GCSAML: variants seen among roughly 807,000 people sequenced by gnomAD.
GCSAML encodes the protein germinal center-associated signaling and motility-like protein.
Under a neutral mutation model 13.0 loss-of-function variants are expected in GCSAML, and 9 were observed. The observed-to-expected ratio is 0.69, with a 90% CI of 0.42 to 1.21. The LOEUF (loss-of-function observed/expected upper bound fraction) is 1.21, where lower values mean the gene tolerates loss of function less well. GCSAML is among the 50% of genes most tolerant of loss of function. GCSAML has a pLI of 0.00. For synonymous variants in GCSAML, 37 were observed against 52.9 expected, an observed-to-expected ratio of 0.70 and a Z score of 1.31; for missense variants, 143 against 153.4, an observed-to-expected ratio of 0.93 and a Z score of 0.36.
chr1:247,531,461 A>C (rs1219013718), intron 2 of GCSAML: 1 of 1,358,628 alleles, frequency 7.4e-7, no homozygotes, highest in African/African-American at 1.5e-5. Context: ...CAATATTAGA[A>C]GAAAAACGAC....
In GCSAML at chr1:247,527,756, A is replaced by G. The variant is rs1032519617; in HGVS notation, c.-148+702A>G. 6.6e-6 allele frequency: 1 copy of G among 152,198 alleles called. No homozygotes were observed. The highest frequency in any genetic ancestry group is 2.4e-5 in the African/African-American group (1 of 41,436). The allele number at this position is 152,198 out of a possible 1,614,324, so 9.4% of individuals were successfully genotyped here. ...TTTCTTCGTGCTGGGAACATTCAAT[A>G]TCCTCCTTCTAGCTGTTTGAAAATA... is the stretch of plus-strand genomic sequence containing the variant. On this transcript the variant is annotated intron_variant, in intron 2 of 5. Transcript: ENST00000366489. This position sits in a 1 kb window ranked among gnomAD's most constrained non-coding sequence, Gnocchi z 4.6.
At chr1:247,522,765 A>G (rs1179076920) in intron 1 of GCSAML, among the ~76,000 whole-genome samples, 1 of 152,204 alleles carries the variant, frequency 6.6e-6, no homozygotes, top group Non-Finnish European at 1.5e-5. Flanking sequence ...ACCCAGGGAC[A>G]CAAACACTGC....
At chr1:247,560,682 C>T (rs541597031) in intron 2 of GCSAML, among the ~76,000 whole-genome samples, 9 of 152,124 alleles carry the variant, frequency 5.9e-5, no homozygotes, top group African/African-American at 1.2e-4. Flanking sequence ...TATGTATATA[C>T]GGTGAAGTGA....
At chr1:247,520,438 C>T (rs1046741473) in intron 1 of GCSAML, among the ~76,000 whole-genome samples, 2 of 152,140 alleles carry the variant, frequency 1.3e-5, no homozygotes, top group Admixed American at 1.3e-4. Flanking sequence ...CAACTTTTCT[C>T]AGAGTCTCCA....
chr1:247,521,324 A>AGTCTCCCTCTCCCTCTCCACG (rs1317693302), intron 1 of GCSAML, among the ~76,000 whole-genome samples: 7 of 138,588 alleles, frequency 5.1e-5, no homozygotes, highest in African/African-American at 1.9e-4. Context: ...CTCCCTCTCC[A>AGTCTCCCTCTCCCTCTCCACG]GTCTCCCTCT....
chr1:247,538,779 A>C (rs777264580), intron 2 of GCSAML: 1 of 456,390 alleles, frequency 2.2e-6, no homozygotes, highest in African/African-American at 2.0e-5. Flanking sequence ...TTGGACTTCC[A>C]GTCTCCAGAA....
intron 1 of GCSAML, among the ~76,000 whole-genome samples, chr1:247,514,042 G>T (rs541520266): frequency 1.3e-5 from 2 of 152,108 alleles, no homozygotes; most frequent in African/African-American, 4.8e-5. Flanking sequence ...GTGCAGTGGT[G>T]TGATCTTGGC....
intron 1 of GCSAML, among the ~76,000 whole-genome samples, chr1:247,556,095 C>A (rs912758989): frequency 6.6e-6 from 1 of 152,158 alleles, no homozygotes; most frequent in African/African-American, 2.4e-5. Flanking sequence ...TTGTTAAGGT[C>A]TTTATAGCTT....
intron 2 of GCSAML, chr1:247,532,454 T>G (rs6697472): frequency 1.2e-6 from 2 of 1,614,006 alleles, no homozygotes; most frequent in Admixed American, 1.7e-5. Context: ...GAGGGTCGTG[T>G]GGAGAAGCCC....
chr1:247,518,846 C>A (rs1666314951), intron 1 of GCSAML, among the ~76,000 whole-genome samples: 2 of 152,044 alleles, frequency 1.3e-5, no homozygotes, highest in South Asian at 4.1e-4. Context: ...AAAAATTAGC[C>A]GGGCTAGTGG....
chr1:247,512,063 G>T (rs1666058380), intron 1 of GCSAML, among the ~76,000 whole-genome samples: 1 of 152,102 alleles, frequency 6.6e-6, no homozygotes, highest in African/African-American at 2.4e-5. Flanking sequence ...GCCTTGCTAG[G>T]TTGGGGAAAT....
chr1:247,527,076 T>TG lies in GCSAML; in HGVS notation c.-148+22_-148+23insG, dbSNP rs1307737943. Reference sequence around the variant, plus strand: ...TGAGGTACAAATCACATTTCAAGTGTATTTCCTTGGGTTCTGGAGAGGATG... The same window carrying TG: ...TGAGGTACAAATCACATTTCAAGTGTGATTTCCTTGGGTTCTGGAGAGGATG... On this transcript the variant is annotated intron_variant, in intron 2 of 5. Transcript: ENST00000366489. This position sits in a 1 kb window ranked among gnomAD's most constrained non-coding sequence, Gnocchi z 4.6. The TG allele has an allele frequency of 2.2e-6, 1 of 456,640 alleles. No homozygotes were observed. Among genetic ancestry groups the TG allele is most frequent in the Non-Finnish European group, 4.4e-6 (1 of 226,948 alleles). The allele number at this position is 456,640 out of a possible 1,614,324, so 28.3% of individuals were successfully genotyped here. A position where few individuals can be genotyped will look rare whatever the true frequency, so the allele number is the denominator to read the frequency against.
At position 247,555,136 on chromosome 1, in the gene GCSAML, C is replaced by T. The variant is rs567633301; in HGVS notation, c.30-1271C>T. ...ATGGTGTGGAATTCCAATTAGGTCC[C>T]TACTGATGTTAAATACTTTTCCTGT... On this transcript the variant is annotated intron_variant, in intron 1 of 4. Coordinates refer to ENST00000366488, the MANE Select transcript of GCSAML (RefSeq NM_145278.5). Among the ~76,000 whole-genome samples, 31 of 145,048 alleles carry T rather than the reference C, an allele frequency of 2.1e-4. 1 individual carries two copies. In the South Asian group the frequency reaches 6.2e-3, roughly 29 times the overall value.
At chr1:247,522,438 G>A (rs1666484764) in intron 1 of GCSAML, among the ~76,000 whole-genome samples, 1 of 151,534 alleles carries the variant, frequency 6.6e-6, no homozygotes, top group Non-Finnish European at 1.5e-5. Flanking sequence ...ATTGAGAATG[G>A]GCCATGATGA....
intron 2 of GCSAML, among the ~76,000 whole-genome samples, chr1:247,535,423 A>G (rs1476708884): frequency 2.0e-5 from 3 of 152,198 alleles, no homozygotes; most frequent in Non-Finnish European, 4.4e-5. Context: ...GGATTGGGAG[A>G]GTTAGGTACA....
chr1:247,534,803 T>C (rs553179671), intron 2 of GCSAML, among the ~76,000 whole-genome samples: 1 of 152,272 alleles, frequency 6.6e-6, no homozygotes, highest in South Asian at 2.1e-4. Context: ...TGCATTCAGT[T>C]TTAAAAATAC....
At chr1:247,513,471 G>T (rs1666109080) in intron 1 of GCSAML, among the ~76,000 whole-genome samples, 2 of 152,226 alleles carry the variant, frequency 1.3e-5, no homozygotes, top group Non-Finnish European at 2.9e-5. Flanking sequence ...CACTGAGCTA[G>T]ACCACTTGGC....
intron 1 of GCSAML, among the ~76,000 whole-genome samples, chr1:247,521,489 T>C (rs1666424039): frequency 6.6e-6 from 1 of 152,214 alleles, no homozygotes; most frequent in African/African-American, 2.4e-5. Flanking sequence ...TGCCTGATTC[T>C]ACTGCCTTAG....
chr1:247,538,576 C>T, intron 2 of GCSAML: 1 of 345,352 alleles, frequency 2.9e-6, no homozygotes, highest in South Asian at 2.3e-5. Context: ...AGAGTGGCAG[C>T]CTAATGTCAT....
Sources: gnomAD v4.1 joint callset for allele counts (sites outside exome capture counted in the v4.1 genomes callset) on GRCh38, gnomAD v4.1.1 for gene constraint, Gnocchi (gnomAD v3.1) non-coding constraint, MANE v1.5 for transcripts, NCBI Gene and HGNC (gene_info 2026-07-23, HGNC 2026-07-21) for gene names.